RCAN2: variants seen among roughly 807,000 people sequenced by gnomAD.
RCAN2 encodes the protein regulator of calcineurin 2.
Under a neutral mutation model 23.6 loss-of-function variants are expected in RCAN2, and 9 were observed. The ratio of observed to expected loss-of-function variants is 0.38; its 90% CI spans 0.23 to 0.67. The LOEUF is 0.67. Among genes scored for constraint, RCAN2 ranks in the 30% least tolerant of loss-of-function variants. The pLI is 0.51. For missense variants in RCAN2, 273 were observed against 302.3 expected, an observed-to-expected ratio of 0.90 and a Z score of 0.72; for synonymous variants, 109 against 115.7, an observed-to-expected ratio of 0.94 and a Z score of 0.37.
In RCAN2 at chr6:46,250,394, C is replaced by A. The variant is rs148105134; in HGVS notation, c.226-1498G>T. 2.9e-3 allele frequency among the ~76,000 whole-genome samples: 443 copies of A among 152,200 alleles called. 3 individuals are homozygous for A. The highest frequency in any genetic ancestry group is 1.0e-2 in the African/African-American group (414 of 41,542). On this transcript the variant is annotated intron_variant, in intron 2 of 4. Transcript: ENST00000371374. ...CCACTAAGGAAATTATATATACAAC[C>A]AACCTGATTCTTTTATTTCAACAGT...
intron 1 of RCAN2, among the ~76,000 whole-genome samples, chr6:46,481,691 T>C (rs1301781054): frequency 6.6e-6 from 1 of 152,162 alleles, no homozygotes; most frequent in East Asian, 1.9e-4. Context: ...TAATATCTGG[T>C]CTCTGGCAGC....
At position 46,247,606 on chromosome 6, in the gene RCAN2, G is replaced by A. The variant is rs549715334; in HGVS notation, c.400-687C>T. On this transcript the variant is annotated intron_variant, in intron 3 of 4. Coordinates refer to ENST00000371374, the MANE Select transcript of RCAN2 (RefSeq NM_001251974.2). Reference sequence around the variant, plus strand: ...CTATAAGTAGAATCACAGAATATGTGACCTTTTGTGTCTGGCTTCTTTCCC... The same window carrying A: ...CTATAAGTAGAATCACAGAATATGTAACCTTTTGTGTCTGGCTTCTTTCCC... 2.6e-5 allele frequency among the ~76,000 whole-genome samples: 4 copies of A among 152,268 alleles called. No individual in the cohort carries two copies. The South Asian group carries it at 8.3e-4, about 32-fold the overall frequency.
chr6:46,454,541 A>G lies in RCAN2; in HGVS notation c.225+2211T>C, dbSNP rs190565212. 1.9e-3 allele frequency among the ~76,000 whole-genome samples: 286 copies of G among 152,324 alleles called. 2 individuals are homozygous for G. The highest frequency in any genetic ancestry group is 6.7e-3 in the African/African-American group (277 of 41,566). ...TGTCCACAAAAGGAAGAGTAAAAAA[A>G]GAAAAAAAAATCTTGCTGAGGTAGG... On this transcript the variant is annotated intron_variant, in intron 2 of 4. Transcript: ENST00000371374.
chr6:46,222,837 T>C lies in RCAN2; in HGVS notation c.*304A>G. The C allele has an allele frequency of 9.7e-6, 3 of 308,394 alleles. No individual in the cohort carries two copies. Among genetic ancestry groups the C allele is most frequent in the Non-Finnish European group, 1.8e-5 (3 of 164,152 alleles). 19.1% of individuals were successfully genotyped at this position (308,394 alleles called of 1,614,324 possible). On this transcript the variant is annotated 3_prime_UTR_variant, in exon 5 of 5. Coordinates refer to ENST00000371374, the MANE Select transcript of RCAN2 (RefSeq NM_001251974.2). ...CACAAACAACACAGGTGCTATTTGT[T>C]ACTGATGTCTCTGGCTTGGATCAAC... is the stretch of plus-strand genomic sequence containing the variant.
chr6:46,446,208 A>C (rs138320992), intron 2 of RCAN2, among the ~76,000 whole-genome samples: 348 of 151,676 alleles, frequency 2.3e-3, no homozygotes, highest in African/African-American at 7.8e-3. Flanking sequence ...AAGTTCCTAT[A>C]AGGCTAGCAA....
At chr6:46,449,973 T>C (rs780681780) in intron 2 of RCAN2, among the ~76,000 whole-genome samples, 1 of 151,912 alleles carries the variant, frequency 6.6e-6, no homozygotes, top group Non-Finnish European at 1.5e-5. Context: ...TGGGATTACA[T>C]TAAACTAAAA....
At chr6:46,446,812 A>G (rs1241556607) in intron 2 of RCAN2, among the ~76,000 whole-genome samples, 1 of 152,130 alleles carries the variant, frequency 6.6e-6, no homozygotes, top group Non-Finnish European at 1.5e-5. Context: ...TCATGATACA[A>G]AGCAAAACAC....
intron 1 of RCAN2, among the ~76,000 whole-genome samples, chr6:46,464,877 C>T (rs1450535805): frequency 1.3e-5 from 2 of 151,278 alleles, no homozygotes; most frequent in Non-Finnish European, 2.9e-5. Flanking sequence ...ATTCAATTCC[C>T]TGTGGAAGCA....
chr6:46,487,752 C>A (rs1194396368), intron 1 of RCAN2, among the ~76,000 whole-genome samples: 2 of 152,212 alleles, frequency 1.3e-5, no homozygotes, highest in Non-Finnish European at 2.9e-5. Context: ...CTCAGGCACT[C>A]CCATTAGCTC....
At chr6:46,283,651 G>T (rs569392561) in intron 2 of RCAN2, among the ~76,000 whole-genome samples, 1 of 152,298 alleles carries the variant, frequency 6.6e-6, no homozygotes, top group African/African-American at 2.4e-5. Flanking sequence ...ATTCAGGACT[G>T]CCTTGATGGT....
At chr6:46,445,782 C>T (rs1767687046) in intron 2 of RCAN2, among the ~76,000 whole-genome samples, 1 of 151,824 alleles carries the variant, frequency 6.6e-6, no homozygotes, top group Non-Finnish European at 1.5e-5. Flanking sequence ...GTTAAAAATA[C>T]AATAGAGGGT....
intron 2 of RCAN2, chr6:46,438,461 T>C (rs1298148164): frequency 6.6e-6 from 1 of 152,178 alleles, no homozygotes; most frequent in African/African-American, 2.4e-5. Flanking sequence ...CTTCATCCTA[T>C]AAGAGTGACA....
chr6:46,455,716 C>T (rs183575717), intron 2 of RCAN2, among the ~76,000 whole-genome samples: 12 of 151,562 alleles, frequency 7.9e-5, no homozygotes, highest in African/African-American at 2.9e-4. Flanking sequence ...ATTAGCTGGG[C>T]GTGGTGATGG....
At chr6:46,404,218 T>C (rs868762067) in intron 2 of RCAN2, among the ~76,000 whole-genome samples, 1 of 109,754 alleles carries the variant, frequency 9.1e-6, no homozygotes, top group Non-Finnish European at 2.1e-5. Flanking sequence ...TAAGACTCTG[T>C]CTCAAAAAAA....
At chr6:46,480,546 G>A (rs1382850229) in intron 1 of RCAN2, among the ~76,000 whole-genome samples, 1 of 152,156 alleles carries the variant, frequency 6.6e-6, no homozygotes, top group Non-Finnish European at 1.5e-5. Context: ...TCACAGAGAT[G>A]TGGTACTAGG....
At chr6:46,437,434 T>C (rs1398677736) in intron 2 of RCAN2, among the ~76,000 whole-genome samples, 2 of 152,212 alleles carry the variant, frequency 1.3e-5, no homozygotes, top group African/African-American at 4.8e-5. Flanking sequence ...AAAATATGTC[T>C]TGAAATGTTT....
At chr6:46,267,755 T>G (rs1767387174) in intron 2 of RCAN2, among the ~76,000 whole-genome samples, 1 of 152,206 alleles carries the variant, frequency 6.6e-6, no homozygotes, top group East Asian at 1.9e-4. Context: ...CAAGAAATAT[T>G]CATTTCCTGA....
intron 2 of RCAN2, among the ~76,000 whole-genome samples, chr6:46,396,952 A>G (rs1248250907): frequency 6.6e-6 from 1 of 152,026 alleles, no homozygotes; most frequent in East Asian, 1.9e-4. Context: ...CTCTACTAAA[A>G]ATACAAAAAT....
At chr6:46,332,432 T>C (rs1402077891) in intron 2 of RCAN2, among the ~76,000 whole-genome samples, 1 of 151,494 alleles carries the variant, frequency 6.6e-6, no homozygotes, top group Non-Finnish European at 1.5e-5. Context: ...TAGCATTAGG[T>C]ATATCTCCTA....
Sources: gnomAD v4.1 joint callset for allele counts (sites outside exome capture counted in the v4.1 genomes callset) on GRCh38, gnomAD v4.1.1 for gene constraint, MANE v1.5 for transcripts, NCBI Gene and HGNC (gene_info 2026-07-23, HGNC 2026-07-21) for gene names.